Variants in CNIH3 observed in about 807,000 individuals in gnomAD.
CNIH3 encodes the protein cornichon family AMPA receptor auxiliary protein 3.
A neutral mutation model predicts 24.1 loss-of-function variants in CNIH3; 14 were observed. That is an observed-to-expected ratio of 0.58 (90% CI 0.38 to 0.91). The LOEUF (loss-of-function observed/expected upper bound fraction) is 0.91. CNIH3 is among the 40% of genes least tolerant of loss of function. CNIH3 has a pLI of 0.00. For synonymous variants in CNIH3, 68 were observed against 73.8 expected (o/e 0.92, Z 0.40); for missense variants, 178 against 196.8 (o/e 0.90, Z 0.57).
chr1:224,544,968 G>A (rs999571160), intron 2 of CNIH3, among the ~76,000 whole-genome samples: 2 of 152,170 alleles, frequency 1.3e-5, no homozygotes, highest in Admixed American at 6.5e-5. Flanking sequence ...AGTGGGGTGA[G>A]TGTTAGCTAA....
chr1:224,549,444 T>A lies in CNIH3; in HGVS notation n.450+2505T>A, dbSNP rs965653647. Reference sequence around the variant, plus strand: ...TAATGGAAATATCAGAGTGATGATATTTCCTTAATATCACAGTGTGTACAC... The same window carrying A: ...TAATGGAAATATCAGAGTGATGATAATTCCTTAATATCACAGTGTGTACAC... On this transcript the variant is annotated intron_variant and non_coding_transcript_variant, in intron 3 of 5. Coordinates refer to the CNIH3 transcript ENST00000471578. 2.0e-5 allele frequency among the ~76,000 whole-genome samples: 3 copies of A among 151,950 alleles called. No individual in the cohort carries two copies. The East Asian group carries it at 5.8e-4, about 29-fold the overall frequency.
downstream of CNIH3, among the ~76,000 whole-genome samples, chr1:224,590,819 A>G (rs536085390): frequency 4.9e-3 from 297 of 60,804 alleles, 2 homozygotes; most frequent in African/African-American, 0.017. Flanking sequence ...CCGCCCCCGC[A>G]ACCCACCCAA....
Position 224,616,953 on chromosome 1 carries a change from C to A in CNIH3, c.-222C>A, listed in dbSNP as rs1683030665. 1.0e-5 allele frequency: 14 copies of A among 1,385,606 alleles called. No individual in the cohort carries two copies. Among genetic ancestry groups the A allele is most frequent in the African/African-American group, 1.5e-5 (1 of 68,520 alleles). 85.8% of individuals were successfully genotyped at this position (1,385,606 alleles called of 1,614,324 possible). On this transcript the variant is annotated 5_prime_UTR_variant, in exon 1 of 6. In the 5' UTR this introduces an upstream ATG that the reference lacks. Transcript: ENST00000272133. ...CCAGCGACTCTCGACACACGTTTTC[C>A]TGTCTTCGCCGGAGGGCCGGGTCTG... is the stretch of plus-strand genomic sequence containing the variant.
At chr1:224,672,278 T>A (rs1251248615) in intron 1 of CNIH3, among the ~76,000 whole-genome samples, 1 of 152,182 alleles carries the variant, frequency 6.6e-6, no homozygotes, top group African/African-American at 2.4e-5. Context: ...GGGTCAGAAA[T>A]ACTCGTTTGC....
intron 1 of CNIH3, among the ~76,000 whole-genome samples, chr1:224,665,113 A>G (rs1431579214): frequency 6.6e-6 from 1 of 152,188 alleles, no homozygotes; most frequent in Non-Finnish European, 1.5e-5. Context: ...ATATGTATAC[A>G]TTCCGTTAGT....
intron 1 of CNIH3, among the ~76,000 whole-genome samples, chr1:224,448,880 C>T (rs1482823848): frequency 6.6e-6 from 1 of 152,152 alleles, no homozygotes; most frequent in African/African-American, 2.4e-5. Flanking sequence ...GCTCCAGAGG[C>T]CTCGTGCCTG....
In CNIH3 at chr1:224,458,262, A is replaced by G. The variant is rs1675761237; in HGVS notation, n.203+23400A>G. The stretch of plus-strand genomic sequence containing the variant: ...GTGGCTAGGGTGCCAAAGCCGAGAA[A>G]GGTCCCGTAGTCCCTGTGTGGTCAG... On this transcript the variant is annotated intron_variant and non_coding_transcript_variant, in intron 1 of 5. Coordinates refer to the CNIH3 transcript ENST00000471578. The surrounding 1 kb of genome is among the most constrained non-coding windows in gnomAD (Gnocchi z 4.3). Among the ~76,000 whole-genome samples, 2 of 152,166 alleles carry G rather than the reference A, an allele frequency of 1.3e-5. No homozygotes were observed. Among genetic ancestry groups the G allele is most frequent in the Admixed American group, 1.3e-4 (2 of 15,280 alleles).
intron 2 of CNIH3, among the ~76,000 whole-genome samples, chr1:224,536,059 G>A (rs1679269497): frequency 2.0e-5 from 3 of 152,188 alleles, no homozygotes; most frequent in South Asian, 4.1e-4. Flanking sequence ...GGGGTGCAAA[G>A]AAGAGTGGAC....
At chr1:224,519,847 GAATTAA>G (rs982009236) in intron 1 of CNIH3, among the ~76,000 whole-genome samples, 34 of 152,072 alleles carry the variant, frequency 2.2e-4, no homozygotes, top group Admixed American at 1.8e-3. Context: ...AGATGGAAAT[GAATTAA>G]AATTAAATAT....
At chr1:224,639,338 G>A (rs958783426) in intron 1 of CNIH3, among the ~76,000 whole-genome samples, 7 of 152,238 alleles carry the variant, frequency 4.6e-5, no homozygotes, top group Non-Finnish European at 1.0e-4. Flanking sequence ...AAGGAGATTG[G>A]CTGAAAAGGA....
At chr1:224,563,857 G>A (rs1680474876) in intron 3 of CNIH3, among the ~76,000 whole-genome samples, 1 of 152,268 alleles carries the variant, frequency 6.6e-6, no homozygotes. Context: ...CTTTCCTGTT[G>A]GCCCTGGATT....
chr1:224,628,530 A>G (rs1329169674), intron 1 of CNIH3, among the ~76,000 whole-genome samples: 3 of 152,110 alleles, frequency 2.0e-5, no homozygotes, highest in Non-Finnish European at 4.4e-5. Flanking sequence ...GTGGAATCAT[A>G]CAGTATTTGT....
chr1:224,468,650 T>C (rs889929627), intron 1 of CNIH3, among the ~76,000 whole-genome samples: 3 of 152,182 alleles, frequency 2.0e-5, no homozygotes, highest in Admixed American at 2.0e-4. Flanking sequence ...TTTTTCTTTC[T>C]TTATTGCATA....
At position 224,616,830 on chromosome 1, in the gene CNIH3, C is replaced by T; in HGVS notation, c.-345C>T. On this transcript the variant is annotated 5_prime_UTR_variant, in exon 1 of 6. Transcript: ENST00000272133. Reference sequence around the variant, plus strand: ...TCGGTCCTCCGTGGAGTCGTCGCATCGCTTGTCGTGTTGGTCTCGAGGGGC... The same window carrying T: ...TCGGTCCTCCGTGGAGTCGTCGCATTGCTTGTCGTGTTGGTCTCGAGGGGC... 1 of 1,119,668 alleles carries T rather than the reference C, an allele frequency of 8.9e-7. No homozygotes were observed. The highest frequency in any genetic ancestry group is 1.1e-6 in the Non-Finnish European group (1 of 915,782). The allele number at this position is 1,119,668 out of a possible 1,614,324, so 69.4% of individuals were successfully genotyped here.
intron 1 of CNIH3, among the ~76,000 whole-genome samples, chr1:224,500,438 G>A (rs1244483701): frequency 6.6e-6 from 1 of 152,116 alleles, no homozygotes; most frequent in Non-Finnish European, 1.5e-5. Context: ...TTGGGAGGCC[G>A]AGGCAGGCAG....
At chr1:224,619,709 C>A (rs1683190050) in intron 1 of CNIH3, among the ~76,000 whole-genome samples, 2 of 152,178 alleles carry the variant, frequency 1.3e-5, no homozygotes, top group African/African-American at 4.8e-5. Flanking sequence ...TGCCTTCTTT[C>A]CAGCTTCTTA....
chr1:224,558,939 C>T (rs1194972765), intron 3 of CNIH3, among the ~76,000 whole-genome samples: 1 of 152,212 alleles, frequency 6.6e-6, no homozygotes, highest in Non-Finnish European at 1.5e-5. Flanking sequence ...ATGTTAACAT[C>T]TGCATGTCGT....
upstream of CNIH3, among the ~76,000 whole-genome samples, chr1:224,512,195 G>A (rs1483432133): frequency 2.7e-5 from 4 of 149,846 alleles, no homozygotes; most frequent in African/African-American, 9.9e-5. Flanking sequence ...AAAAAGTTTG[G>A]AGCTAAGAAT....
intron 1 of CNIH3, among the ~76,000 whole-genome samples, chr1:224,438,627 C>T (rs1340049394): frequency 6.6e-6 from 1 of 152,074 alleles, no homozygotes; most frequent in Non-Finnish European, 1.5e-5. Context: ...TTTATATCTC[C>T]AGCTTCATTC....
Sources: allele counts gnomAD v4.1 joint callset (sites outside exome capture counted in the v4.1 genomes callset), GRCh38; gene constraint gnomAD v4.1.1; non-coding constraint Gnocchi (gnomAD v3.1); transcripts MANE v1.5; gene names NCBI Gene and HGNC (gene_info 2026-07-23, HGNC 2026-07-21).